The following FNDC3A variants were observed in gnomAD, a reference collection of about 807,000 sequenced individuals.
FNDC3A encodes the protein fibronectin type III domain containing 3A.
In FNDC3A, 32 loss-of-function variants were observed where a neutral mutation model predicts 148.9. The observed-to-expected ratio is 0.21, with a 90% CI of 0.16 to 0.29. The LOEUF (loss-of-function observed/expected upper bound fraction) is 0.29. FNDC3A is among the 10% of genes least tolerant of loss of function. FNDC3A has a pLI of 1.00. For synonymous variants in FNDC3A, 472 were observed against 473.6 expected, an observed-to-expected ratio of 1.00 and a Z score of 0.04; for missense variants, 1,191 against 1,452.8, an observed-to-expected ratio of 0.82 and a Z score of 2.93.
chr13:49,068,040 AAGTATGTTTTACAGG>A (rs1306422152), intron 2 of FNDC3A, among the ~76,000 whole-genome samples: 1 of 152,176 alleles, frequency 6.6e-6, no homozygotes, highest in Non-Finnish European at 1.5e-5. Flanking sequence ...TCAAAATTTT[AAGTATGTTTTACAGG>A]CCAAGCATTG....
intron 3 of FNDC3A, among the ~76,000 whole-genome samples, chr13:49,083,151 C>A (rs985696500): frequency 1.3e-5 from 2 of 152,172 alleles, no homozygotes; most frequent in Non-Finnish European, 2.9e-5. Context: ...GCTTCTAGCA[C>A]AGATACCACT....
chr13:49,130,254 C>T (rs1307920728), intron 4 of FNDC3A, among the ~76,000 whole-genome samples: 4 of 149,562 alleles, frequency 2.7e-5, no homozygotes, highest in Non-Finnish European at 5.9e-5. Flanking sequence ...TTTGTAATTT[C>T]TAAGCCTCAA....
At chr13:49,071,947 G>T (rs1367963842) in intron 2 of FNDC3A, among the ~76,000 whole-genome samples, 1 of 152,114 alleles carries the variant, frequency 6.6e-6, no homozygotes, top group Admixed American at 6.6e-5. Context: ...AAAGTGCTGG[G>T]ATTATAGGTG....
At chr13:49,161,227 G>T (rs1884091521) in intron 8 of FNDC3A, among the ~76,000 whole-genome samples, 1 of 152,140 alleles carries the variant, frequency 6.6e-6, no homozygotes, top group South Asian at 2.1e-4. Context: ...GGGTGTTAAA[G>T]TCTCCCATTA....
At chr13:49,133,129 A>G (rs1190030219) in intron 5 of FNDC3A, among the ~76,000 whole-genome samples, 1 of 152,170 alleles carries the variant, frequency 6.6e-6, no homozygotes, top group Admixed American at 6.5e-5. Flanking sequence ...AAGTAATGCA[A>G]ATTGGTTCAG....
At chr13:49,199,529 T>C (rs554522861) in intron 23 of FNDC3A, among the ~76,000 whole-genome samples, 1 of 152,160 alleles carries the variant, frequency 6.6e-6, no homozygotes, top group African/African-American at 2.4e-5. Flanking sequence ...AGTTTCACCA[T>C]GTTGGCCAGG....
chr13:49,098,051 G>T (rs1031946166), intron 3 of FNDC3A, among the ~76,000 whole-genome samples: 16 of 152,214 alleles, frequency 1.1e-4, no homozygotes, highest in Admixed American at 5.2e-4. Context: ...AGATAATTCA[G>T]ATGGCTAGTA....
intron 2 of FNDC3A, among the ~76,000 whole-genome samples, chr13:49,055,957 C>T (rs965432991): frequency 1.3e-5 from 2 of 151,458 alleles, no homozygotes; most frequent in Non-Finnish European, 1.5e-5. Flanking sequence ...AAGGCTGAGG[C>T]AGGACGATCA....
rs11839094 is a variant in FNDC3A at position 49,122,946 on chromosome 13, G to A, written c.253-8191G>A. ...GCCCAAAGTAATTTATAGATTCAAT[G>A]CTATCCCCATCAAGCTACCATTGAT... On this transcript the variant is annotated intron_variant, in intron 4 of 25. Transcript: ENST00000492622. Among the ~76,000 whole-genome samples the A allele has an allele frequency of 4.5e-3, 688 of 152,258 alleles. 2 individuals carry two copies. Among genetic ancestry groups the A allele is most frequent in the Non-Finnish European group, 7.7e-3 (527 of 68,026 alleles).
At chr13:49,160,353 G>A (rs572869050) in intron 8 of FNDC3A, among the ~76,000 whole-genome samples, 1 of 152,210 alleles carries the variant, frequency 6.6e-6, no homozygotes, top group South Asian at 2.1e-4. Flanking sequence ...TTGGGAGGGT[G>A]TATGTGTCCA....
At chr13:49,124,112 C>G (rs2224742) in intron 4 of FNDC3A, among the ~76,000 whole-genome samples, 78,847 of 151,916 alleles carry the variant, frequency 0.52, 21,627 homozygotes, top group Non-Finnish European at 0.6. Flanking sequence ...CAGTGATAGA[C>G]TGGATAAAGA....
intron 8 of FNDC3A, among the ~76,000 whole-genome samples, chr13:49,163,805 A>T (rs1884306078): frequency 6.6e-6 from 1 of 152,216 alleles, no homozygotes; most frequent in African/African-American, 2.4e-5. Flanking sequence ...ATTTATCTTA[A>T]AGTTACTATT....
chr13:48,986,094 G>A lies in FNDC3A; in HGVS notation c.-40+9917G>A, dbSNP rs370836556. The stretch of plus-strand genomic sequence containing the variant: ...GTGTTGGATCTGAAACTGTGTTAAA[G>A]TGGGTTAAAGAAGTGAGAATTCTAC... On this transcript the variant is annotated intron_variant, in intron 1 of 25. Transcript: ENST00000492622. Among the ~76,000 whole-genome samples the A allele has an allele frequency of 2.0e-5, 3 of 152,218 alleles. No individual in the cohort carries two copies. The East Asian group carries it at 5.8e-4, about 29-fold the overall frequency.
chr13:48,983,081 G>A (rs1951724460), intron 1 of FNDC3A, among the ~76,000 whole-genome samples: 1 of 152,192 alleles, frequency 6.6e-6, no homozygotes, highest in East Asian at 1.9e-4. Flanking sequence ...AAATGTCCTA[G>A]ATACTTAGAA....
At position 49,068,970 on chromosome 13, in the gene FNDC3A, G is replaced by A. The variant is rs1250009654; in HGVS notation, c.100-6319G>A. 2.0e-5 allele frequency among the ~76,000 whole-genome samples: 3 copies of A among 152,156 alleles called. No homozygotes were observed. The East Asian group carries it at 5.8e-4, about 29-fold the overall frequency. ...CTATTGGGTACTAGATTTAGTACCTGGGTTGCAAAATAATACATACAACAA... is the reference window on the plus strand; with the variant it reads ...CTATTGGGTACTAGATTTAGTACCTAGGTTGCAAAATAATACATACAACAA... On this transcript the variant is annotated intron_variant, in intron 2 of 25. Coordinates refer to ENST00000492622, the MANE Select transcript of FNDC3A (RefSeq NM_001079673.2).
intron 2 of FNDC3A, among the ~76,000 whole-genome samples, chr13:49,067,750 A>G (rs1877360843): frequency 6.6e-6 from 1 of 152,218 alleles, no homozygotes; most frequent in East Asian, 1.9e-4. Flanking sequence ...AGTGCTCAGA[A>G]ATTGTAATAT....
intron 14 of FNDC3A, among the ~76,000 whole-genome samples, chr13:49,183,530 A>C (rs1885408862): frequency 6.6e-6 from 1 of 152,194 alleles, no homozygotes; most frequent in Admixed American, 6.5e-5. Context: ...CTTTATGACT[A>C]GAAGGTGCTT....
intron 7 of FNDC3A, among the ~76,000 whole-genome samples, chr13:49,142,180 C>G (rs746086641): frequency 1.3e-5 from 2 of 152,148 alleles, no homozygotes; most frequent in Non-Finnish European, 2.9e-5. Flanking sequence ...ACTGTATCTC[C>G]TGAGGCACGC....
chr13:49,166,636 G>A (rs77787151), intron 8 of FNDC3A, among the ~76,000 whole-genome samples: 11 of 152,184 alleles, frequency 7.2e-5, no homozygotes, highest in South Asian at 4.1e-4. Flanking sequence ...AGGAGTCCAC[G>A]GTGGGAATGT....
Sources: allele counts gnomAD v4.1 joint callset (sites outside exome capture counted in the v4.1 genomes callset), GRCh38; gene constraint gnomAD v4.1.1; transcripts MANE v1.5; gene names NCBI Gene and HGNC (gene_info 2026-07-23, HGNC 2026-07-21).